Variants in ANKRD55 observed in about 807,000 individuals in gnomAD.
The protein encoded by ANKRD55 is ankyrin repeat domain-containing protein 55.
Under a neutral mutation model 60.6 loss-of-function variants are expected in ANKRD55, and 41 were observed. The ratio of observed to expected loss-of-function variants is 0.68; its 90% confidence interval spans 0.53 to 0.88. The LOEUF is 0.88. ANKRD55 is among the 40% of genes least tolerant of loss of function. ANKRD55 has a pLI of 0.00. For missense variants in ANKRD55, 732 were observed against 767.6 expected (o/e 0.95, Z 0.55); for synonymous variants, 264 against 290.3 (o/e 0.91, Z 0.92).
At chr5:56,135,368 C>CTTCTTTCTTTCCTTCT (rs1757565854) in intron 7 of ANKRD55, among the ~76,000 whole-genome samples, 6 of 49,144 alleles carry the variant, frequency 1.2e-4, no homozygotes, top group African/African-American at 2.4e-4. Context: ...TCTTTCTTTC[C>CTTCTTTCTTTCCTTCT]TTCTTTCTTT....
At chr5:56,119,576 G>C (rs1341105893) in intron 8 of ANKRD55, among the ~76,000 whole-genome samples, 2 of 152,050 alleles carry the variant, frequency 1.3e-5, no homozygotes. Flanking sequence ...TTTACTGAAC[G>C]TAAATAAAAA....
At chr5:56,213,555 G>A (rs914530902) in intron 2 of ANKRD55, among the ~76,000 whole-genome samples, 5 of 151,154 alleles carry the variant, frequency 3.3e-5, no homozygotes, top group South Asian at 2.1e-4. Flanking sequence ...TTCCTCTATC[G>A]AATAGTACAA....
intron 6 of ANKRD55, among the ~76,000 whole-genome samples, chr5:56,154,404 T>C (rs1308502921): frequency 6.6e-6 from 1 of 152,072 alleles, no homozygotes; most frequent in East Asian, 1.9e-4. Context: ...ACCAAAGTAA[T>C]GAATGAAAAA....
chr5:56,199,002 G>C (rs540914601), intron 2 of ANKRD55, among the ~76,000 whole-genome samples: 3 of 152,120 alleles, frequency 2.0e-5, no homozygotes, highest in African/African-American at 4.8e-5. Flanking sequence ...ATGGTGTGAA[G>C]CCGGGTGGCA....
chr5:56,183,452 A>G, intron 3 of ANKRD55, 60 bp downstream of exon 3: 2 of 1,598,004 alleles, frequency 1.3e-6, no homozygotes, highest in Non-Finnish European at 1.7e-6. Flanking sequence ...TCATGTCTGA[A>G]GGCCATCTCT....
intron 2 of ANKRD55, among the ~76,000 whole-genome samples, chr5:56,197,263 C>A (rs1322773049): frequency 6.6e-6 from 1 of 152,032 alleles, no homozygotes; most frequent in African/African-American, 2.4e-5. Flanking sequence ...TATCAGGGTC[C>A]ACGATAAAAT....
At chr5:56,120,409 C>T (rs925758094) in intron 8 of ANKRD55, among the ~76,000 whole-genome samples, 16 of 152,150 alleles carry the variant, frequency 1.1e-4, no homozygotes, top group African/African-American at 3.9e-4. Flanking sequence ...GCCTCTTTCC[C>T]CTATTTAAGG....
intron 3 of ANKRD55, 101 bp downstream of exon 3, chr5:56,183,411 G>A: frequency 6.9e-7 from 1 of 1,452,798 alleles, no homozygotes; most frequent in Non-Finnish European, 9.3e-7. Flanking sequence ...GTATCAAAAT[G>A]GCTGGTCAGA....
chr5:56,130,436 T>G (rs554098758), intron 7 of ANKRD55, among the ~76,000 whole-genome samples: 6 of 152,214 alleles, frequency 3.9e-5, no homozygotes, highest in Non-Finnish European at 7.3e-5. Flanking sequence ...ACTTGGAATA[T>G]TCACATTCCA....
intron 6 of ANKRD55, among the ~76,000 whole-genome samples, chr5:56,145,905 T>C (rs1257378001): frequency 6.6e-6 from 1 of 152,200 alleles, no homozygotes; most frequent in East Asian, 1.9e-4. Flanking sequence ...CTTATTCCAA[T>C]AGCTGAATAT....
In ANKRD55 at chr5:56,190,743, G is replaced by A. The variant is rs148855817; in HGVS notation, c.59-7109C>T. On this transcript the variant is annotated intron_variant, in intron 2 of 11. Coordinates refer to ENST00000341048, the MANE Select transcript of ANKRD55 (RefSeq NM_024669.3). Reference sequence around the variant, plus strand: ...TGGCAGAAGGGTGAAAGGCAGAAGCGAGCATCTGAGACAGAAGAGGAAATC... The same window carrying A: ...TGGCAGAAGGGTGAAAGGCAGAAGCAAGCATCTGAGACAGAAGAGGAAATC... Among the ~76,000 whole-genome samples, 11 of 152,206 alleles carry A rather than the reference G, an allele frequency of 7.2e-5. No homozygotes were observed. In the East Asian group the frequency reaches 7.7e-4, roughly 11 times the overall value.
rs1011864691 is a variant in ANKRD55, at chr5:56,192,772, G to C, written c.59-9138C>G. ...CAGATTCTAGCCAACGTAAAGATGA[G>C]AACACAGACATCGCTGAAAACCTCT... On this transcript the variant is annotated intron_variant, in intron 2 of 11. Transcript: ENST00000341048. 7 of 1,075,702 alleles carry C rather than the reference G, an allele frequency of 6.5e-6. No homozygotes were observed. In the African/African-American group the frequency reaches 1.1e-4, roughly 17 times the overall value. 66.6% of individuals were successfully genotyped at this position (1,075,702 alleles called of 1,614,324 possible). A position where few individuals can be genotyped will look rare whatever the true frequency, so the allele number is the denominator to read the frequency against.
chr5:56,184,035 C>T (rs1010644394), intron 2 of ANKRD55, among the ~76,000 whole-genome samples: 8 of 152,204 alleles, frequency 5.3e-5, no homozygotes, highest in African/African-American at 1.9e-4. Flanking sequence ...TTCAAAGAGA[C>T]ATTGTGCTCT....
chr5:56,205,872 C>A (rs539953103), intron 2 of ANKRD55, among the ~76,000 whole-genome samples: 36 of 152,236 alleles, frequency 2.4e-4, no homozygotes, highest in African/African-American at 8.7e-4. Context: ...CCCTGACACC[C>A]TGTAGTGGCT....
At chr5:56,108,934 G>T (rs1406907383) in intron 10 of ANKRD55, among the ~76,000 whole-genome samples, 1 of 152,118 alleles carries the variant, frequency 6.6e-6, no homozygotes, top group African/African-American at 2.4e-5. Flanking sequence ...CTACCTGGGA[G>T]GCTGAGGCAG....
intron 5 of ANKRD55, among the ~76,000 whole-genome samples, chr5:56,169,021 T>G (rs190814358): frequency 3.3e-5 from 5 of 152,346 alleles, no homozygotes; most frequent in Non-Finnish European, 7.4e-5. Context: ...CACATCTGGC[T>G]AATTTTTGTA....
At chr5:56,144,230 A>T (rs1434902199) in intron 6 of ANKRD55, among the ~76,000 whole-genome samples, 1 of 152,224 alleles carries the variant, frequency 6.6e-6, no homozygotes, top group Non-Finnish European at 1.5e-5. Context: ...CATGTCAAAC[A>T]ATCTTCCAGA....
At chr5:56,217,854 C>T (rs1759860153) in intron 2 of ANKRD55, among the ~76,000 whole-genome samples, 1 of 151,644 alleles carries the variant, frequency 6.6e-6, no homozygotes, top group African/African-American at 2.4e-5. Flanking sequence ...CGAGATTGTG[C>T]CACTGCACTC....
chr5:56,176,876 G>C (rs556089620), intron 3 of ANKRD55, among the ~76,000 whole-genome samples: 23 of 152,252 alleles, frequency 1.5e-4, no homozygotes, highest in Non-Finnish European at 3.1e-4. Flanking sequence ...CAGGGCTGTT[G>C]GAACAAGCCA....
Sources: allele counts gnomAD v4.1 joint callset (sites outside exome capture counted in the v4.1 genomes callset), GRCh38; gene constraint gnomAD v4.1.1; transcripts MANE v1.5; gene names NCBI Gene and HGNC (gene_info 2026-07-23, HGNC 2026-07-21).